CLVS1: variants seen among roughly 807,000 people sequenced by gnomAD.
The protein encoded by CLVS1 is clavesin-1.
CLVS1 carries 10 observed loss-of-function variants against 33.1 expected under a neutral mutation model. That is an observed-to-expected ratio of 0.30 (90% confidence interval 0.19 to 0.51). The LOEUF (loss-of-function observed/expected upper bound fraction) is 0.51, where lower values mean the gene tolerates loss of function less well. CLVS1 is among the 20% of genes least tolerant of loss of function. The pLI is 0.97. For missense variants in CLVS1, 343 were observed against 433.4 expected (o/e 0.79, Z 1.85); for synonymous variants, 163 against 166.1 (o/e 0.98, Z 0.14).
chr8:60,967,910 C>T, the CLVS1 span: 206 of 314,504 alleles, frequency 6.5e-4, no homozygotes, highest in Admixed American at 1.4e-3. Context: ...CTCCACACAC[C>T]CGTGGACTAA....
At chr8:61,315,422 G>T (rs1362290605) in intron 2 of CLVS1, among the ~76,000 whole-genome samples, 1 of 152,054 alleles carries the variant, frequency 6.6e-6, no homozygotes, top group African/African-American at 2.4e-5. Context: ...AAATAGTGTT[G>T]CCACTGGGCC....
intron 2 of CLVS1, among the ~76,000 whole-genome samples, chr8:61,281,735 A>G (rs1414267636): frequency 6.6e-6 from 1 of 152,068 alleles, no homozygotes; most frequent in East Asian, 1.9e-4. Context: ...TAAATATCCA[A>G]GGCCCTCTTG....
In CLVS1 at chr8:61,300,235, C is replaced by T. The variant is rs758197932; in HGVS notation, c.408C>T (p.Tyr136=). 2.0e-5 allele frequency: 33 copies of T among 1,613,740 alleles called. No individual in the cohort carries two copies. Among genetic ancestry groups the T allele is most frequent in the East Asian group, 4.5e-5 (2 of 44,882 alleles). The part of the protein sequence containing the change: ...FPGVLENRDH[Y]GRKILLLFAA... ...GGGTGCTGGAAAACCGAGACCATTA[C>T]GGCAGGAAGATTCTTTTGCTGTTTG... Residue 136 remains tyrosine (Y), a synonymous_variant, in exon 2 of 6, where the codon TAC becomes TAT. Transcript: ENST00000325897.
chr8:61,383,007 G>T (rs1413285994), intron 3 of CLVS1, among the ~76,000 whole-genome samples: 2 of 152,228 alleles, frequency 1.3e-5, no homozygotes, highest in Non-Finnish European at 2.9e-5. Context: ...GTTGTTGAAA[G>T]AATGAAGAGG....
intron 1 of CLVS1, among the ~76,000 whole-genome samples, chr8:61,069,793 T>G (rs563536095): frequency 1.4e-4 from 21 of 152,224 alleles, no homozygotes; most frequent in Middle Eastern, 3.4e-3. Context: ...TATTTTATTT[T>G]ATTTATTTAT....
At chr8:61,093,473 T>C (rs73685718) in intron 1 of CLVS1, among the ~76,000 whole-genome samples, 3,302 of 152,270 alleles carry the variant, frequency 0.022, 118 homozygotes, top group African/African-American at 0.075. Flanking sequence ...AGATTGCTCA[T>C]TATAATGTGC....
chr8:61,034,525 C>T, the CLVS1 span, among the ~76,000 whole-genome samples: 1 of 152,100 alleles, frequency 6.6e-6, no homozygotes, highest in Non-Finnish European at 1.5e-5. Context: ...ACCAACAACT[C>T]CCCATCCCTC....
At chr8:60,997,440 A>G in the CLVS1 span, among the ~76,000 whole-genome samples, 2 of 152,226 alleles carry the variant, frequency 1.3e-5, no homozygotes, top group African/African-American at 2.4e-5. Flanking sequence ...CCAGCCAACT[A>G]TATACATATT....
chr8:60,972,172 T>G, the CLVS1 span, among the ~76,000 whole-genome samples: 1 of 152,128 alleles, frequency 6.6e-6, no homozygotes, highest in South Asian at 2.1e-4. Context: ...CATTAGGGCC[T>G]CTCTGTGTGA....
At chr8:61,260,157 T>C (rs924486428) in intron 2 of CLVS1, among the ~76,000 whole-genome samples, 1 of 152,246 alleles carries the variant, frequency 6.6e-6, no homozygotes, top group African/African-American at 2.4e-5. Flanking sequence ...GGTTCCTTCT[T>C]GGTTCTCTTC....
chr8:61,292,483 G>A, intron 1 of CLVS1: 1 of 435,860 alleles, frequency 2.3e-6, no homozygotes, highest in South Asian at 1.6e-5. Flanking sequence ...ATCTCCTTTA[G>A]GTCCTCTTCC....
chr8:61,222,696 T>C (rs552467948), intron 2 of CLVS1, among the ~76,000 whole-genome samples: 1 of 152,348 alleles, frequency 6.6e-6, no homozygotes, highest in South Asian at 2.1e-4. Context: ...CTAGGTCCAC[T>C]TGATGCAGAG....
At position 61,458,469 on chromosome 8, in the gene CLVS1, T is replaced by C; in HGVS notation, c.904T>C (p.Ser302Pro). Residue 302 changes from serine to proline, a missense_variant, in exon 5 of 6, where the codon TCC becomes CCC. Ser to Pro is a moderately conservative substitution (Grantham distance 74). Transcript: ENST00000325897. ...YSDENDYTHTSYNAMHVKHTS... is the reference protein window; with the variant it reads ...YSDENDYTHTPYNAMHVKHTS... ...CGATGAAAATGACTATACTCACACA[T>C]CCTATAATGCAATGCACGTGAAGCA... is the stretch of plus-strand genomic sequence containing the variant. 2.5e-6 allele frequency: 4 copies of C among 1,613,676 alleles called. No homozygotes were observed. The highest frequency in any genetic ancestry group is 3.4e-6 in the Non-Finnish European group (4 of 1,179,928).
intron 2 of CLVS1, among the ~76,000 whole-genome samples, chr8:61,146,875 G>T (rs968489671): frequency 2.0e-5 from 3 of 152,192 alleles, no homozygotes; most frequent in African/African-American, 7.2e-5. Context: ...GTCATGGCAT[G>T]GTGTGATGTG....
intron 3 of CLVS1, among the ~76,000 whole-genome samples, chr8:61,381,426 C>T (rs749902142): frequency 2.0e-5 from 3 of 152,082 alleles, no homozygotes; most frequent in Non-Finnish European, 4.4e-5. Context: ...ACGAGAATTA[C>T]GTTTTTTTCC....
At chr8:60,978,809 C>CAAAAAAAAAAAAAAAAAAA in the CLVS1 span, among the ~76,000 whole-genome samples, 4 of 22,518 alleles carry the variant, frequency 1.8e-4, no homozygotes, top group African/African-American at 1.9e-4. Flanking sequence ...GACTCCATCT[C>CAAAAAAAAAAAAAAAAAAA]AAAAAAAAAA....
intron 1 of CLVS1, among the ~76,000 whole-genome samples, chr8:61,131,447 G>T (rs1806097197): frequency 6.6e-6 from 1 of 152,180 alleles, no homozygotes; most frequent in Non-Finnish European, 1.5e-5. Flanking sequence ...GGAGTACATT[G>T]TGTTTGAGCG....
At chr8:61,198,271 A>G (rs901553294) in intron 2 of CLVS1, among the ~76,000 whole-genome samples, 1 of 152,196 alleles carries the variant, frequency 6.6e-6, no homozygotes, top group African/African-American at 2.4e-5. Flanking sequence ...AAATTTCAAT[A>G]GCTTTAGGGG....
chr8:61,476,175 G>A (rs1427884700), intron 5 of CLVS1, among the ~76,000 whole-genome samples: 2 of 152,100 alleles, frequency 1.3e-5, no homozygotes, highest in African/African-American at 4.8e-5. Context: ...TTGGTACCAG[G>A]ACCATGCTGA....
Sources: allele counts gnomAD v4.1 joint callset (sites outside exome capture counted in the v4.1 genomes callset), GRCh38; gene constraint gnomAD v4.1.1; transcripts MANE v1.5; gene names NCBI Gene and HGNC (gene_info 2026-07-23, HGNC 2026-07-21).